Variants in TMEM253 observed in about 807,000 individuals in gnomAD.
TMEM253 encodes the protein transmembrane protein C14orf176.
TMEM253 carries 22 observed loss-of-function variants against 20.3 expected under a neutral mutation model. The observed-to-expected ratio is 1.08, with a 90% CI of 0.78 to 1.55. The LOEUF (loss-of-function observed/expected upper bound fraction) is 1.55, where lower values mean the gene tolerates loss of function less well. Ranked by LOEUF, TMEM253 falls within the 40% of genes most tolerant of loss-of-function variation. The pLI is 0.00. For missense variants in TMEM253, 251 were observed against 266.1 expected (o/e 0.94, Z 0.39); for synonymous variants, 92 against 102.6 (o/e 0.90, Z 0.62).
Position 21,103,124 on chromosome 14 carries a change from G to C in TMEM253, c.535-15G>C. 6.4e-7 allele frequency: 1 copy of C among 1,551,700 alleles called. No homozygotes were observed. Among genetic ancestry groups the C allele is most frequent in the Admixed American group, 2.0e-5 (1 of 51,000 alleles). Reference sequence around the variant, plus strand: ...TCACCTCTACAATTTGCTCACACCTGTCTCTGGTTTTCAGGGCTTCTCTGA... The same window carrying C: ...TCACCTCTACAATTTGCTCACACCTCTCTCTGGTTTTCAGGGCTTCTCTGA... On this transcript the variant is annotated splice_polypyrimidine_tract_variant and intron_variant, in intron 6 of 6. Transcript: ENST00000556585.
At chr14:21,099,000 C>T (rs1433047906), upstream of TMEM253, 1 of 410,606 alleles carries the variant, frequency 2.4e-6, no homozygotes, top group Non-Finnish European at 3.9e-6. Flanking sequence ...CTCTTCGGTC[C>T]TTTCCGTTCT....
chr14:21,103,436 A>C (rs1594614651), exon 7 of TMEM253: 4 of 1,045,374 alleles, frequency 3.8e-6, no homozygotes, highest in Non-Finnish European at 5.3e-6. Flanking sequence ...TCCTCACCTC[A>C]CCACCCTGAA....
At chr14:21,103,521 C>T (rs1889783823) in exon 7 of TMEM253, 2 of 472,084 alleles carry the variant, frequency 4.2e-6, no homozygotes, top group South Asian at 2.5e-5. Context: ...TGCCTCATCG[C>T]ACTTTTCTTT....
chr14:21,100,854 G>A (rs1393849434), upstream of TMEM253, among the ~76,000 whole-genome samples: 1 of 152,142 alleles, frequency 6.6e-6, no homozygotes, highest in African/African-American at 2.4e-5. Context: ...GGAAATGAGG[G>A]GGAATTGAGG....
intron 6 of TMEM253, 177 bp downstream of exon 6, chr14:21,102,956 G>A (rs1167465805): frequency 3.1e-5 from 42 of 1,358,990 alleles, no homozygotes; most frequent in Non-Finnish European, 4.1e-5. Context: ...TGGTGGGTAA[G>A]AGGAAACTGG....
At chr14:21,100,779 A>C (rs1397008389), upstream of TMEM253, among the ~76,000 whole-genome samples, 1 of 152,212 alleles carries the variant, frequency 6.6e-6, no homozygotes, top group Non-Finnish European at 1.5e-5. Flanking sequence ...CCAGACAGAA[A>C]GTAGGATCTC....
exon 3 of TMEM253, chr14:21,101,867 G>A (rs1434473492): frequency 1.3e-6 from 2 of 1,551,092 alleles, no homozygotes; most frequent in Admixed American, 2.0e-5. Context: ...ACCCCCAGGT[G>A]AGCCAGCTAT....
At chr14:21,102,010 A>AG (rs1338153314) in intron 3 of TMEM253, 35 bp downstream of exon 3, 3 of 1,548,848 alleles carry the variant, frequency 1.9e-6, no homozygotes, top group Non-Finnish European at 2.6e-6. Context: ...GGAAGGTCCC[A>AG]GGGCCCCTTC....
At chr14:21,102,191 A>C (rs1175456149) in intron 4 of TMEM253, 71 bp downstream of exon 4, 2 of 1,492,552 alleles carry the variant, frequency 1.3e-6, no homozygotes, top group African/African-American at 1.4e-5. Context: ...TCAGCCTAGG[A>C]AGTAAGTGGC....
intron 4 of TMEM253, 106 bp from the exon 5 acceptor site, chr14:21,102,299 G>A: frequency 2.1e-6 from 3 of 1,449,154 alleles, no homozygotes; most frequent in South Asian, 1.3e-5. Context: ...CCTGTTTGGA[G>A]GCTGAGAAGC....
chr14:21,102,929 G>T, intron 6 of TMEM253, 150 bp downstream of exon 6: 2 of 1,369,550 alleles, frequency 1.5e-6, no homozygotes, highest in Non-Finnish European at 1.9e-6. Flanking sequence ...CTCTGGCTTT[G>T]AACATTTCTC....
chr14:21,101,655 G>GA (rs1265251227), intron 2 of TMEM253: 1 of 650,498 alleles, frequency 1.5e-6, no homozygotes, highest in Non-Finnish European at 2.6e-6. Flanking sequence ...TCTTGTGGGG[G>GA]AAAACATACA....
chr14:21,102,627 C>T lies in TMEM253; in HGVS notation c.388-6C>T. The T allele has an allele frequency of 1.9e-6, 3 of 1,551,362 alleles. No homozygotes were observed. The highest frequency in any genetic ancestry group is 2.6e-6 in the Non-Finnish European group (3 of 1,146,886). On this transcript the variant is annotated splice_region_variant and splice_polypyrimidine_tract_variant and intron_variant, in intron 5 of 6. Coordinates refer to ENST00000556585, the Ensembl canonical transcript of TMEM253. ...TCCCTGCATTCTCAGCCCTGTCTACCTGCAGCATGCTGGCTTGCTGGTGCT... is the reference window on the plus strand; with the variant it reads ...TCCCTGCATTCTCAGCCCTGTCTACTTGCAGCATGCTGGCTTGCTGGTGCT...
exon 7 of TMEM253, chr14:21,103,361 A>C: frequency 6.9e-7 from 1 of 1,457,422 alleles, no homozygotes. Flanking sequence ...TTCAGTTTTC[A>C]CTCAAAGCAG....
chr14:21,099,054 TTCC>T (rs1183324527), upstream of TMEM253: 2 of 293,554 alleles, frequency 6.8e-6, no homozygotes, highest in Non-Finnish European at 1.3e-5. Context: ...CTATTTTCCA[TTCC>T]TCAAGTCACT....
At chr14:21,102,277 A>C in intron 4 of TMEM253, 128 bp from the exon 5 acceptor site, 2 of 1,400,860 alleles carry the variant, frequency 1.4e-6, no homozygotes, top group South Asian at 2.8e-5. Flanking sequence ...AAAAGTTAAG[A>C]GGGCTTATGG....
exon 4 of TMEM253, chr14:21,102,088 C>T: frequency 6.4e-7 from 1 of 1,551,320 alleles, no homozygotes; most frequent in Non-Finnish European, 8.7e-7. Flanking sequence ...GACTGTCACT[C>T]TGGAGCTTCG....
At chr14:21,100,137 A>C (rs1279249988), upstream of TMEM253, among the ~76,000 whole-genome samples, 4 of 152,190 alleles carry the variant, frequency 2.6e-5, no homozygotes, top group Non-Finnish European at 5.9e-5. Flanking sequence ...CCAAGCAGGG[A>C]GGATGGCTTG....
Position 21,102,786 on chromosome 14 carries a change from G to A in TMEM253, c.534+7G>A. On this transcript the variant is annotated splice_region_variant and intron_variant, in intron 6 of 6. Coordinates refer to ENST00000556585, the Ensembl canonical transcript of TMEM253. The stretch of plus-strand genomic sequence containing the variant: ...CTATCAAGAGCTGCAGGAGGTATGG[G>A]GGCAGGGAAGAAAGCACGAATAGCT... 1.3e-6 allele frequency: 2 copies of A among 1,547,568 alleles called. No individual in the cohort carries two copies. The highest frequency in any genetic ancestry group is 1.7e-6 in the Non-Finnish European group (2 of 1,146,734).
Sources: gnomAD v4.1 joint callset for allele counts (sites outside exome capture counted in the v4.1 genomes callset) on GRCh38, gnomAD v4.1.1 for gene constraint, MANE v1.5 for transcripts, NCBI Gene and HGNC (gene_info 2026-07-23, HGNC 2026-07-21) for gene names.